The following ZDHHC5 variants were observed in gnomAD, a reference collection of about 807,000 sequenced individuals.
ZDHHC5 encodes the protein zDHHC palmitoyltransferase 5.
ZDHHC5 carries 22 observed loss-of-function variants against 70.0 expected under a neutral mutation model. That is an observed-to-expected ratio of 0.31 (90% CI 0.22 to 0.45). ZDHHC5 has a LOEUF of 0.45. Among genes scored for constraint, ZDHHC5 ranks in the 20% least tolerant of loss-of-function variants. The probability of loss-of-function intolerance (pLI) is 1.00; values close to 1 mark genes in which losing one functional copy is unlikely to be tolerated. For synonymous variants in ZDHHC5, 313 were observed against 347.8 expected, an observed-to-expected ratio of 0.90 and a Z score of 1.11; for missense variants, 746 against 926.9, an observed-to-expected ratio of 0.80 and a Z score of 2.53.
intron 2 of ZDHHC5, among the ~76,000 whole-genome samples, chr11:57,679,334 G>A (rs1436467612): frequency 6.6e-6 from 1 of 151,946 alleles, no homozygotes; most frequent in Non-Finnish European, 1.5e-5. Flanking sequence ...GATAATTTTT[G>A]TATTTTTAGT....
chr11:57,692,987 A>G (rs1438562257), intron 7 of ZDHHC5, among the ~76,000 whole-genome samples: 1 of 152,066 alleles, frequency 6.6e-6, no homozygotes, highest in African/African-American at 2.4e-5. Flanking sequence ...GGGTGGTTTC[A>G]GGATGAAACT....
chr11:57,677,105 T>G (rs1166076522), intron 2 of ZDHHC5, among the ~76,000 whole-genome samples: 1 of 150,574 alleles, frequency 6.6e-6, no homozygotes, highest in African/African-American at 2.4e-5. Context: ...GTATTTTTAG[T>G]AGAGAAGGGG....
At chr11:57,699,512 AGGTGGACCCAGG>A in intron 11 of ZDHHC5, 94 bp downstream of exon 11, 1 of 1,491,394 alleles carries the variant, frequency 6.7e-7, no homozygotes, top group Non-Finnish European at 8.9e-7. Context: ...ATCCTAATGT[AGGTGGACCCAGG>A]GGTATCCTGG....
At chr11:57,698,150 A>ACACACACAC (rs1565199239) in intron 10 of ZDHHC5, among the ~76,000 whole-genome samples, 7 of 116,350 alleles carry the variant, frequency 6.0e-5, no homozygotes, top group South Asian at 5.4e-4. Context: ...CACACACACA[A>ACACACACAC]ACAAATGCCA....
At chr11:57,697,023 C>T (rs1436054048) in intron 10 of ZDHHC5, 150 bp downstream of exon 10, 3 of 756,012 alleles carry the variant, frequency 4.0e-6, no homozygotes, top group Non-Finnish European at 6.3e-6. Flanking sequence ...GGTGAAACCC[C>T]GTCTCTACTA....
At chr11:57,697,021 C>T in intron 10 of ZDHHC5, 148 bp downstream of exon 10, 1 of 769,088 alleles carries the variant, frequency 1.3e-6, no homozygotes, top group Admixed American at 2.5e-5. Flanking sequence ...ATGGTGAAAC[C>T]CCGTCTCTAC....
intron 2 of ZDHHC5, among the ~76,000 whole-genome samples, chr11:57,674,316 G>GTTTTTTTTTTTT (rs34645509): frequency 3.5e-5 from 5 of 140,930 alleles, no homozygotes; most frequent in Non-Finnish European, 4.6e-5. Flanking sequence ...TTTTTCCTCA[G>GTTTTTTTTTTTT]TTTTTTTTTT....
At chr11:57,668,991 TC>T (rs1369627267) in intron 1 of ZDHHC5, among the ~76,000 whole-genome samples, 3 of 152,324 alleles carry the variant, frequency 2.0e-5, no homozygotes, top group Non-Finnish European at 4.4e-5. Context: ...ATTCTTCACT[TC>T]CTGGTTAATG....
At position 57,698,698 on chromosome 11, in the gene ZDHHC5, T is replaced by C. The variant is rs148426894; in HGVS notation, c.1262T>C (p.Leu421Pro). Residue 421 changes from leucine to proline, a missense_variant, in exon 11 of 12, where the codon CTA (leucine) becomes CCA (proline). Physicochemically the swap from Leu to Pro is moderately conservative, Grantham distance 98. Transcript: ENST00000287169. ...TFGKSFHFDP[L>P]SSGSRSSSLK... ...GGCAAAAGTTTTCACTTCGATCCAC[T>C]ATCCAGTGGCTCACGCTCCTCCAGC... 10 of 1,614,046 alleles carry C rather than the reference T, an allele frequency of 6.2e-6. No individual in the cohort carries two copies. In the African/African-American group the frequency reaches 1.2e-4, roughly 19 times the overall value.
chr11:57,699,787 C>A, intron 11 of ZDHHC5, 79 bp from the exon 12 acceptor site: 1 of 1,565,210 alleles, frequency 6.4e-7, no homozygotes, highest in East Asian at 2.3e-5. Context: ...ATTTTTTTCT[C>A]TGAACCTTTG....
intron 2 of ZDHHC5, among the ~76,000 whole-genome samples, chr11:57,676,782 T>C (rs1946076690): frequency 6.6e-6 from 1 of 152,210 alleles, no homozygotes; most frequent in Admixed American, 6.5e-5. Context: ...GTAACACCAT[T>C]TCGAATCACT....
At chr11:57,690,230 G>A (rs1230334992) in intron 5 of ZDHHC5, 27 bp downstream of exon 5, 1 of 1,613,168 alleles carries the variant, frequency 6.2e-7, no homozygotes, top group East Asian at 2.2e-5. Flanking sequence ...TTTAGATTGT[G>A]GGATTGGAAG....
intron 2 of ZDHHC5, among the ~76,000 whole-genome samples, chr11:57,675,354 TTGAC>T (rs1946058205): frequency 6.6e-6 from 1 of 152,228 alleles, no homozygotes; most frequent in Admixed American, 6.5e-5. Context: ...ATTGAAGTGT[TTGAC>T]TGGTTATACC....
In ZDHHC5 at chr11:57,693,708, C is replaced by T. The variant is rs1337068890; in HGVS notation, c.753-75C>T. The T allele has an allele frequency of 1.0e-5, 15 of 1,453,244 alleles. No homozygotes were observed. The East Asian group carries it at 2.1e-4, about 20-fold the overall frequency. 90.0% of individuals were successfully genotyped at this position (1,453,244 alleles called of 1,614,324 possible). A position where few individuals can be genotyped will look rare whatever the true frequency, so the allele number is the denominator to read the frequency against. On this transcript the variant is annotated intron_variant, in intron 7 of 11. Coordinates refer to ENST00000287169, the MANE Select transcript of ZDHHC5 (RefSeq NM_015457.3). ...ACCTAATAAAAATGGTTTACAGAAA[C>T]AGTAGATACTTTAAAATATAAATGA...
At chr11:57,692,541 T>C (rs1190393995) in intron 6 of ZDHHC5, 70 bp from the exon 7 acceptor site, 3 of 1,344,952 alleles carry the variant, frequency 2.2e-6, no homozygotes, top group Non-Finnish European at 2.1e-6. Flanking sequence ...TAACTTGTAA[T>C]AGATTTGTAT....
chr11:57,669,894 T>G (rs1590853183), intron 1 of ZDHHC5, among the ~76,000 whole-genome samples: 2 of 152,234 alleles, frequency 1.3e-5, no homozygotes, highest in South Asian at 4.1e-4. Flanking sequence ...TTCATCTTTA[T>G]TTATACCCAA....
chr11:57,696,449 C>T (rs545983269), intron 9 of ZDHHC5, among the ~76,000 whole-genome samples: 1 of 152,334 alleles, frequency 6.6e-6, no homozygotes, highest in East Asian at 1.9e-4. Flanking sequence ...GACGCAGTGG[C>T]TCACACCTGT....
chr11:57,698,081 G>A (rs1044904197), intron 10 of ZDHHC5, among the ~76,000 whole-genome samples: 4 of 150,166 alleles, frequency 2.7e-5, no homozygotes, highest in African/African-American at 1.0e-4. Flanking sequence ...GTTGCAGTGA[G>A]CCAAGATTGC....
chr11:57,692,828 G>A lies in ZDHHC5; in HGVS notation c.752+126G>A, dbSNP rs964567697. ...AGGGTTCTCTATCTTAGAATGTTAA[G>A]TACCCACTCTATCTTAGAATGGTAA... On this transcript the variant is annotated intron_variant, in intron 7 of 11. Coordinates refer to ENST00000287169, the MANE Select transcript of ZDHHC5 (RefSeq NM_015457.3). The A allele has an allele frequency of 4.3e-5, 38 of 879,788 alleles. No homozygotes were observed. In the Admixed American group the frequency reaches 9.6e-4, roughly 22 times the overall value. 54.5% of individuals were successfully genotyped at this position (879,788 alleles called of 1,614,324 possible). A position where few individuals can be genotyped will look rare whatever the true frequency, so the allele number is the denominator to read the frequency against.
Sources: allele counts gnomAD v4.1 joint callset (sites outside exome capture counted in the v4.1 genomes callset), GRCh38; gene constraint gnomAD v4.1.1; transcripts MANE v1.5; gene names NCBI Gene and HGNC (gene_info 2026-07-23, HGNC 2026-07-21).